LRRC37A2: variants seen among roughly 807,000 people sequenced by gnomAD.
LRRC37A2 encodes leucine rich repeat containing 37 member A2, also known as leucine-rich repeat-containing protein 37A2.
In LRRC37A2, 9 loss-of-function variants were observed where a neutral mutation model predicts 68.8. The ratio of observed to expected loss-of-function variants is 0.13; its 90% confidence interval spans 0.08 to 0.23. LRRC37A2 has a LOEUF of 0.23. Among genes scored for constraint, LRRC37A2 ranks in the 10% least tolerant of loss-of-function variants. The pLI, the probability that LRRC37A2 is intolerant of heterozygous loss-of-function variation, is 1.00. For missense variants in LRRC37A2, 168 were observed against 950.4 expected (o/e 0.18, Z 10.82); for synonymous variants, 63 against 367.6 (o/e 0.17, Z 9.48).
At chr17:46,498,789 C>T in the LRRC37A2 span, among the ~76,000 whole-genome samples, 5 of 148,726 alleles carry the variant, frequency 3.4e-5, no homozygotes, top group Non-Finnish European at 7.4e-5. Context: ...AAAATGCAAA[C>T]GGTTGTTTCT....
chr17:46,502,522 G>A, the LRRC37A2 span, among the ~76,000 whole-genome samples: 10 of 150,776 alleles, frequency 6.6e-5, no homozygotes, highest in Non-Finnish European at 4.4e-5. Context: ...GGCTGGTCTC[G>A]AACTCCTGAC....
At chr17:47,022,314 G>T in the LRRC37A2 span, among the ~76,000 whole-genome samples, 1 of 146,034 alleles carries the variant, frequency 6.8e-6, no homozygotes, top group Non-Finnish European at 1.5e-5. Context: ...GGGACCACAG[G>T]TGCATGCCAC....
chr17:46,875,660 T>A, the LRRC37A2 span, among the ~76,000 whole-genome samples: 10 of 152,132 alleles, frequency 6.6e-5, no homozygotes, highest in African/African-American at 2.4e-4. Flanking sequence ...CAGGGACATG[T>A]TTGGAGAGGG....
At chr17:46,962,577 T>A in the LRRC37A2 span, among the ~76,000 whole-genome samples, 1 of 152,212 alleles carries the variant, frequency 6.6e-6, no homozygotes. Context: ...AGTATAGCTA[T>A]GCTGCTGTCT....
the LRRC37A2 span, chr17:46,979,041 C>A: frequency 2.2e-6 from 3 of 1,371,928 alleles, no homozygotes; most frequent in South Asian, 5.2e-5. Flanking sequence ...GGCGCGCAGT[C>A]CCGGGTGCAC....
chr17:47,010,593 G>T, the LRRC37A2 span: 3 of 152,268 alleles, frequency 2.0e-5, no homozygotes, highest in Admixed American at 6.5e-5. Flanking sequence ...GTTCCAGAAG[G>T]CTGGGGTGGT....
the LRRC37A2 span, among the ~76,000 whole-genome samples, chr17:46,980,336 C>T: frequency 1.1e-5 from 1 of 92,612 alleles, no homozygotes; most frequent in African/African-American, 4.2e-5. Flanking sequence ...TCTCCCTTTC[C>T]TTCTCTCCTT....
chr17:46,814,058 T>A, the LRRC37A2 span, among the ~76,000 whole-genome samples: 2 of 152,188 alleles, frequency 1.3e-5, no homozygotes, highest in African/African-American at 4.8e-5. Flanking sequence ...CTGCCTCTTT[T>A]GACCTCATCG....
the LRRC37A2 span, among the ~76,000 whole-genome samples, chr17:46,816,948 G>T: frequency 2.6e-5 from 4 of 152,226 alleles, no homozygotes; most frequent in Non-Finnish European, 4.4e-5. Flanking sequence ...CCTCCTTCCT[G>T]AAGTCCCTGG....
chr17:46,922,902 C>T, the LRRC37A2 span: 1 of 539,502 alleles, frequency 1.9e-6, no homozygotes. Context: ...CCGCGATTGT[C>T]CTTCCTAACG....
the LRRC37A2 span, among the ~76,000 whole-genome samples, chr17:46,934,136 C>T: frequency 2.0e-5 from 3 of 152,224 alleles, no homozygotes; most frequent in Admixed American, 6.5e-5. Flanking sequence ...AGGGCAGGCC[C>T]TGCGCTCAGT....
chr17:46,680,311 A>C, the LRRC37A2 span, among the ~76,000 whole-genome samples: 1 of 151,774 alleles, frequency 6.6e-6, no homozygotes, highest in Non-Finnish European at 1.5e-5. Flanking sequence ...GAACACAGGA[A>C]GGAAGAGCCT....
At chr17:46,477,594 G>A in the LRRC37A2 span, among the ~76,000 whole-genome samples, 23 of 61,194 alleles carry the variant, frequency 3.8e-4, 11 homozygotes, top group Admixed American at 2.7e-3. Flanking sequence ...GAGTTTCCAC[G>A]TACTAGAATT....
the LRRC37A2 span, among the ~76,000 whole-genome samples, chr17:46,755,138 A>G: frequency 6.6e-6 from 1 of 152,184 alleles, no homozygotes; most frequent in South Asian, 2.1e-4. Flanking sequence ...ACTTCCTCCA[A>G]ATGATGTGAT....
At chr17:46,766,065 A>G in the LRRC37A2 span, among the ~76,000 whole-genome samples, 1 of 152,170 alleles carries the variant, frequency 6.6e-6, no homozygotes, top group Non-Finnish European at 1.5e-5. Flanking sequence ...TTGAGGAAAA[A>G]AAACACTCAT....
chr17:46,917,252 G>A, the LRRC37A2 span: 1 of 152,072 alleles, frequency 6.6e-6, no homozygotes, highest in East Asian at 1.9e-4. Context: ...TCATCCCAAG[G>A]CAAATTCCTC....
chr17:46,800,523 C>T, the LRRC37A2 span, among the ~76,000 whole-genome samples: 6 of 149,286 alleles, frequency 4.0e-5, no homozygotes, highest in Admixed American at 2.0e-4. Flanking sequence ...CTGACTCTTA[C>T]ACTGGGAAGA....
the LRRC37A2 span, among the ~76,000 whole-genome samples, chr17:47,002,452 G>A: frequency 1.5e-4 from 23 of 151,456 alleles, no homozygotes; most frequent in South Asian, 3.6e-3. Flanking sequence ...GTGCAATGGC[G>A]CTATCTTGGC....
At chr17:47,033,135 T>G in the LRRC37A2 span, 2 of 583,578 alleles carry the variant, frequency 3.4e-6, no homozygotes, top group Non-Finnish European at 6.0e-6. Context: ...GAGAATCACT[T>G]GACTCCAGGA....
Sources: gnomAD v4.1 joint callset for allele counts (sites outside exome capture counted in the v4.1 genomes callset) on GRCh38, gnomAD v4.1.1 for gene constraint, MANE v1.5 for transcripts, NCBI Gene and HGNC (gene_info 2026-07-23, HGNC 2026-07-21) for gene names.